Variants in MAP4K4 observed in about 807,000 individuals in gnomAD.
MAP4K4 encodes the protein HPK/GCK-like kinase HGK.
A neutral mutation model predicts 189.6 loss-of-function variants in MAP4K4; 38 were observed. The ratio of observed to expected loss-of-function variants is 0.20; its 90% confidence interval spans 0.15 to 0.26. The LOEUF (loss-of-function observed/expected upper bound fraction) is 0.26, where lower values mean the gene tolerates loss of function less well. Among genes scored for constraint, MAP4K4 ranks in the 10% least tolerant of loss-of-function variants. The pLI is 1.00. For missense variants in MAP4K4, 1,054 were observed against 1,726.9 expected (o/e 0.61, Z 6.91); for synonymous variants, 610 against 624.3 (o/e 0.98, Z 0.34).
chr2:101,845,730 A>G (rs2097087612), intron 12 of MAP4K4, among the ~76,000 whole-genome samples: 4 of 152,214 alleles, frequency 2.6e-5, no homozygotes, highest in Admixed American at 2.6e-4. Flanking sequence ...GGGGATCAGA[A>G]GAGTCTTTTG....
chr2:101,822,584 G>A (rs1175890512), intron 3 of MAP4K4, among the ~76,000 whole-genome samples: 1 of 152,126 alleles, frequency 6.6e-6, no homozygotes. Context: ...TGATGTTGCA[G>A]CTTTTATTTT....
chr2:101,767,216 A>G (rs1295315338), intron 2 of MAP4K4, among the ~76,000 whole-genome samples: 1 of 152,234 alleles, frequency 6.6e-6, no homozygotes, highest in Non-Finnish European at 1.5e-5. Context: ...ACAATGGGCA[A>G]GTGACTCAAT....
chr2:101,767,415 TA>T (rs2079090727), intron 2 of MAP4K4, among the ~76,000 whole-genome samples: 1 of 152,238 alleles, frequency 6.6e-6, no homozygotes, highest in Admixed American at 6.5e-5. Context: ...TCTTCTCCCC[TA>T]AATGTGTGGT....
chr2:101,866,034 C>T (rs1292153736), intron 18 of MAP4K4, among the ~76,000 whole-genome samples: 2 of 152,202 alleles, frequency 1.3e-5, no homozygotes, highest in Non-Finnish European at 2.9e-5. Flanking sequence ...AGAACAGTAA[C>T]AGGCAGGTGA....
chr2:101,728,053 A>G (rs2056523012), intron 2 of MAP4K4, among the ~76,000 whole-genome samples: 1 of 152,220 alleles, frequency 6.6e-6, no homozygotes, highest in African/African-American at 2.4e-5. Flanking sequence ...GAAGGTTGTC[A>G]TGGCTTGCTC....
At chr2:101,699,492 T>G (rs956413528) in intron 2 of MAP4K4, among the ~76,000 whole-genome samples, 3 of 152,188 alleles carry the variant, frequency 2.0e-5, no homozygotes, top group Non-Finnish European at 4.4e-5. Context: ...TTTCTAAAAG[T>G]TTAATCTGCA....
At chr2:101,752,858 C>T (rs1354297837) in intron 2 of MAP4K4, among the ~76,000 whole-genome samples, 3 of 152,148 alleles carry the variant, frequency 2.0e-5, no homozygotes, top group Admixed American at 6.5e-5. Context: ...TGTATGAAAC[C>T]GTGTCAGGCT....
chr2:101,874,419 A>G (rs184391332), intron 26 of MAP4K4, among the ~76,000 whole-genome samples, 167 bp downstream of exon 26: 16 of 152,362 alleles, frequency 1.1e-4, no homozygotes, highest in Admixed American at 9.8e-4. Context: ...CTGGTGTGGC[A>G]CATGTATATG....
intron 2 of MAP4K4, among the ~76,000 whole-genome samples, chr2:101,774,657 T>G (rs73943765): frequency 0.02 from 2,977 of 152,328 alleles, 115 homozygotes; most frequent in African/African-American, 0.068. Context: ...TTCAGTTTTT[T>G]ATTTGATTAA....
At chr2:101,793,850 C>T (rs1171653126) in intron 3 of MAP4K4, among the ~76,000 whole-genome samples, 1 of 152,132 alleles carries the variant, frequency 6.6e-6, no homozygotes, top group Non-Finnish European at 1.5e-5. Flanking sequence ...GATGTGGGCC[C>T]ACTTCACTTG....
intron 2 of MAP4K4, among the ~76,000 whole-genome samples, chr2:101,756,120 A>G (rs2072625105): frequency 6.6e-6 from 1 of 150,860 alleles, no homozygotes; most frequent in African/African-American, 2.4e-5. Flanking sequence ...TAGTTTTTGT[A>G]TTTTTAGTAG....
rs77423358 is a variant in MAP4K4 at position 101,771,967 on chromosome 2, A to G, written c.124-18753A>G. On this transcript the variant is annotated intron_variant, in intron 2 of 32. Transcript: ENST00000324219. ...TGCTGGCGGTCCTGTGCTGTGGTCTATGGTGGGTCAGCAGGGTTTCTCTGT... is the reference window on the plus strand; with the variant it reads ...TGCTGGCGGTCCTGTGCTGTGGTCTGTGGTGGGTCAGCAGGGTTTCTCTGT... Among the ~76,000 whole-genome samples, 919 of 152,254 alleles carry G rather than the reference A, an allele frequency of 6.0e-3. 10 individuals are homozygous for G. The highest frequency in any genetic ancestry group is 0.021 in the African/African-American group (880 of 41,548).
chr2:101,793,248 G>T (rs987980511), intron 3 of MAP4K4, among the ~76,000 whole-genome samples: 11 of 152,172 alleles, frequency 7.2e-5, no homozygotes, highest in African/African-American at 2.7e-4. Flanking sequence ...TTACCATATT[G>T]TCCATGTTTC....
chr2:101,874,027 G>A, intron 25 of MAP4K4, 55 bp from the exon 26 acceptor site: 1 of 1,440,298 alleles, frequency 6.9e-7, no homozygotes, highest in South Asian at 1.2e-5. Flanking sequence ...GGGGAAGGGA[G>A]GCAGGCATAG....
chr2:101,701,621 A>C (rs779564547), intron 2 of MAP4K4, among the ~76,000 whole-genome samples: 37 of 152,284 alleles, frequency 2.4e-4, no homozygotes, highest in Non-Finnish European at 4.4e-4. Flanking sequence ...ACAGTATGTA[A>C]CTTCATCTTA....
intron 2 of MAP4K4, among the ~76,000 whole-genome samples, chr2:101,731,722 G>T (rs1217090289): frequency 6.7e-6 from 1 of 150,020 alleles, no homozygotes; most frequent in Non-Finnish European, 1.5e-5. Context: ...CTGCATTCCA[G>T]ACTGGGTGAC....
intron 2 of MAP4K4, among the ~76,000 whole-genome samples, chr2:101,734,642 C>T (rs1436551312): frequency 6.6e-6 from 1 of 152,184 alleles, no homozygotes; most frequent in Non-Finnish European, 1.5e-5. Flanking sequence ...CCTGTCCTCT[C>T]CACACTCTAG....
At position 101,875,609 on chromosome 2, in the gene MAP4K4, G is replaced by A. The variant is rs559342515; in HGVS notation, c.3241+1357G>A. 4.6e-5 allele frequency among the ~76,000 whole-genome samples: 7 copies of A among 152,188 alleles called. No individual in the cohort carries two copies. The South Asian group carries it at 8.3e-4, about 18-fold the overall frequency. On this transcript the variant is annotated intron_variant, in intron 26 of 32. Transcript: ENST00000324219. ...CATGTATGTGCCATGATATTCTTCC[G>A]CCTCACTCCCTCTACACAAATACTT...
chr2:101,871,813 A>G (rs1374875977), intron 24 of MAP4K4, 128 bp downstream of exon 24: 1 of 805,302 alleles, frequency 1.2e-6, no homozygotes, highest in Admixed American at 2.8e-5. Flanking sequence ...TCTGTCACCT[A>G]CCCTTCTCCC....
Sources: allele counts gnomAD v4.1 joint callset (sites outside exome capture counted in the v4.1 genomes callset), GRCh38; gene constraint gnomAD v4.1.1; transcripts MANE v1.5; gene names NCBI Gene and HGNC (gene_info 2026-07-23, HGNC 2026-07-21).